Variants in EXT1 observed in about 807,000 individuals in gnomAD.
EXT1 encodes the protein exostosin glycosyltransferase 1, also known as exostosin-1.
Under a neutral mutation model 82.5 loss-of-function variants are expected in EXT1, and 20 were observed. The ratio of observed to expected loss-of-function variants is 0.24; its 90% CI spans 0.17 to 0.35. EXT1 has a LOEUF of 0.35. Ranked by LOEUF, EXT1 falls within the 10% of genes least tolerant of loss-of-function variation. The pLI, the probability that EXT1 is intolerant of heterozygous loss-of-function variation, is 1.00. For synonymous variants in EXT1, 348 were observed against 350.8 expected (o/e 0.99, Z 0.09); for missense variants, 757 against 936.5 (o/e 0.81, Z 2.50).
chr8:118,034,808 T>C (rs1816389826), intron 1 of EXT1, among the ~76,000 whole-genome samples: 2 of 152,150 alleles, frequency 1.3e-5, no homozygotes, highest in Admixed American at 1.3e-4. Context: ...GTAGCAGAAA[T>C]AATTATACCA....
At chr8:117,860,988 T>C (rs574934461) in intron 1 of EXT1, among the ~76,000 whole-genome samples, 17 of 152,370 alleles carry the variant, frequency 1.1e-4, no homozygotes, top group African/African-American at 3.6e-4. Context: ...TTGACTTTAA[T>C]ATGAAATGTT....
intron 5 of EXT1, among the ~76,000 whole-genome samples, chr8:117,821,669 G>A (rs1284779967): frequency 6.6e-6 from 1 of 152,180 alleles, no homozygotes; most frequent in Non-Finnish European, 1.5e-5. Flanking sequence ...GGGTGAGGGT[G>A]TTACGGAGAA....
chr8:117,943,849 T>C (rs569945658), intron 1 of EXT1, among the ~76,000 whole-genome samples: 5 of 152,208 alleles, frequency 3.3e-5, no homozygotes, highest in Non-Finnish European at 7.4e-5. Context: ...GGCCTCATTC[T>C]TCTAGTGTCA....
At chr8:118,050,248 C>A (rs988039131) in intron 1 of EXT1, among the ~76,000 whole-genome samples, 8 of 152,168 alleles carry the variant, frequency 5.3e-5, no homozygotes, top group Non-Finnish European at 1.2e-4. Flanking sequence ...ATATTTGTAA[C>A]CTGGAGAGGG....
At chr8:117,896,502 C>T (rs190836870) in intron 1 of EXT1, among the ~76,000 whole-genome samples, 2 of 152,132 alleles carry the variant, frequency 1.3e-5, no homozygotes, top group Non-Finnish European at 2.9e-5. Context: ...TAAAAGGTAT[C>T]AGGGAATTAG....
At chr8:117,951,312 C>A (rs1279823075) in intron 1 of EXT1, among the ~76,000 whole-genome samples, 1 of 152,174 alleles carries the variant, frequency 6.6e-6, no homozygotes, top group Non-Finnish European at 1.5e-5. Flanking sequence ...TTATACAAAG[C>A]CTGTTTATGA....
intron 1 of EXT1, among the ~76,000 whole-genome samples, chr8:118,018,794 G>A (rs1405280436): frequency 6.6e-6 from 1 of 152,156 alleles, no homozygotes; most frequent in Non-Finnish European, 1.5e-5. Context: ...AAAGGCTGAA[G>A]TTCCAAATTT....
At chr8:118,059,655 G>A (rs867399605) in intron 1 of EXT1, among the ~76,000 whole-genome samples, 7 of 152,172 alleles carry the variant, frequency 4.6e-5, no homozygotes, top group Non-Finnish European at 7.3e-5. Flanking sequence ...CTGCAGTTCT[G>A]ACCTGCCCAA....
At chr8:118,005,067 T>C (rs1355499177) in intron 1 of EXT1, among the ~76,000 whole-genome samples, 1 of 152,112 alleles carries the variant, frequency 6.6e-6, no homozygotes, top group Non-Finnish European at 1.5e-5. Context: ...GACAAAGTGA[T>C]TTGCATGAGA....
At chr8:118,092,756 T>C (rs1346621039) in intron 1 of EXT1, among the ~76,000 whole-genome samples, 1 of 152,166 alleles carries the variant, frequency 6.6e-6, no homozygotes, top group African/African-American at 2.4e-5. Context: ...AAGCACCTGA[T>C]GATGAGGCTG....
chr8:117,896,741 A>G (rs892357532), intron 1 of EXT1, among the ~76,000 whole-genome samples: 4 of 152,194 alleles, frequency 2.6e-5, no homozygotes, highest in African/African-American at 7.2e-5. Context: ...AGGTGGATGG[A>G]GAACAGGTTC....
intron 1 of EXT1, among the ~76,000 whole-genome samples, chr8:117,977,400 A>T (rs1815088812): frequency 6.6e-6 from 1 of 151,488 alleles, no homozygotes; most frequent in African/African-American, 2.4e-5. Flanking sequence ...ATAAAAAAAA[A>T]AAAAAAAGAC....
chr8:118,015,216 T>C (rs1815979067), intron 1 of EXT1, among the ~76,000 whole-genome samples: 2 of 152,232 alleles, frequency 1.3e-5, no homozygotes, highest in African/African-American at 4.8e-5. Flanking sequence ...TTGCAAGCGC[T>C]GACGCCACAT....
At chr8:117,972,967 C>T (rs1001267549) in intron 1 of EXT1, among the ~76,000 whole-genome samples, 3 of 152,142 alleles carry the variant, frequency 2.0e-5, no homozygotes, top group Non-Finnish European at 4.4e-5. Context: ...GGTGGGGACA[C>T]TGCCAAACCG....
chr8:118,009,619 G>A (rs1725683380), intron 1 of EXT1, among the ~76,000 whole-genome samples: 1 of 152,248 alleles, frequency 6.6e-6, no homozygotes, highest in South Asian at 2.1e-4. Flanking sequence ...CAGGAAGCGA[G>A]TGACAGGCAA....
At chr8:118,059,961 C>T (rs1816857492) in intron 1 of EXT1, among the ~76,000 whole-genome samples, 1 of 152,174 alleles carries the variant, frequency 6.6e-6, no homozygotes, top group Non-Finnish European at 1.5e-5. Context: ...CACCAAAGAA[C>T]ACATTTCTTT....
At chr8:117,952,810 C>G in intron 1 of EXT1, among the ~76,000 whole-genome samples, 1 of 151,874 alleles carries the variant, frequency 6.6e-6, no homozygotes, top group East Asian at 1.9e-4. Context: ...ATATTCTTTT[C>G]CCCACTTTCA....
chr8:118,020,695 G>A (rs150534283), intron 1 of EXT1, among the ~76,000 whole-genome samples: 7 of 152,218 alleles, frequency 4.6e-5, no homozygotes, highest in Non-Finnish European at 1.0e-4. Flanking sequence ...GGGTTAGCAC[G>A]GATGAAGGAG....
chr8:118,040,496 C>CT (rs1414273939), intron 1 of EXT1, among the ~76,000 whole-genome samples: 1 of 152,226 alleles, frequency 6.6e-6, no homozygotes, highest in Non-Finnish European at 1.5e-5. Flanking sequence ...ATCTTCAACT[C>CT]TGTCAGTGGA....
Sources: allele counts gnomAD v4.1 joint callset (sites outside exome capture counted in the v4.1 genomes callset), GRCh38; gene constraint gnomAD v4.1.1; transcripts MANE v1.5; gene names NCBI Gene and HGNC (gene_info 2026-07-23, HGNC 2026-07-21).